HMGA2: variants seen among roughly 807,000 people sequenced by gnomAD.
HMGA2 encodes the protein high mobility group protein HMGI-C.
Under a neutral mutation model 19.1 loss-of-function variants are expected in HMGA2, and 8 were observed. The ratio of observed to expected loss-of-function variants is 0.42; its 90% CI spans 0.25 to 0.76. The LOEUF is 0.76. Ranked by LOEUF, HMGA2 falls within the 30% of genes least tolerant of loss-of-function variation. The pLI is 0.28. For missense variants in HMGA2, 109 were observed against 136.3 expected, an observed-to-expected ratio of 0.80 and a Z score of 1.00; for synonymous variants, 60 against 48.8, an observed-to-expected ratio of 1.23 and a Z score of -0.96.
intron 3 of HMGA2, among the ~76,000 whole-genome samples, chr12:65,940,656 C>G (rs1468326606): frequency 6.6e-6 from 1 of 152,008 alleles, no homozygotes; most frequent in East Asian, 1.9e-4. Flanking sequence ...GAATAATTGC[C>G]CAAAATACTT....
rs7296768 is a variant in HMGA2 at position 65,964,317 on chromosome 12, C to T, written c.*1025C>T. On this transcript the variant is annotated 3_prime_UTR_variant, in exon 5 of 5. Transcript: ENST00000403681. ...AAAAAAAAAGGGGGGGGCAATCTCT[C>T]TCTGTGTCTTTCTCTCTCTCTCTTC... is the stretch of plus-strand genomic sequence containing the variant. 204 of 211,120 alleles carry T rather than the reference C, an allele frequency of 9.7e-4. No homozygotes were observed. Among genetic ancestry groups the T allele is most frequent in the African/African-American group, 4.6e-3 (199 of 43,698 alleles). 13.1% of individuals were successfully genotyped at this position (211,120 alleles called of 1,614,324 possible). A position where few individuals can be genotyped will look rare whatever the true frequency, so the allele number is the denominator to read the frequency against.
Position 65,915,236 on chromosome 12 carries a change from C to A in HMGA2, c.250-36147C>A, listed in dbSNP as rs1313648602. 5.1e-6 allele frequency: 8 copies of A among 1,576,982 alleles called. No homozygotes were observed. In the South Asian group the frequency reaches 6.8e-5, roughly 13 times the overall value. On this transcript the variant is annotated intron_variant, in intron 3 of 4. Transcript: ENST00000403681. The stretch of plus-strand genomic sequence containing the variant: ...GTGTGGCTTTCTCCGATATAGAAAC[C>A]TATCAGGTGTCTTTTAGATCATTTC...
rs199650917 is a variant in HMGA2, at chr12:65,925,816, G to A, written c.250-25567G>A. 3.3e-5 allele frequency among the ~76,000 whole-genome samples: 5 copies of A among 152,288 alleles called. No homozygotes were observed. In the East Asian group the frequency reaches 9.7e-4, roughly 29 times the overall value. On this transcript the variant is annotated intron_variant, in intron 3 of 4. Coordinates refer to ENST00000403681, the MANE Select transcript of HMGA2 (RefSeq NM_003483.6). Reference sequence around the variant, plus strand: ...TGTGTGCACTGACACGTGAATGTGTGTGTGCCCTCACATAAGTTCTTACAT... The same window carrying A: ...TGTGTGCACTGACACGTGAATGTGTATGTGCCCTCACATAAGTTCTTACAT...
chr12:65,923,951 A>C (rs1875414439), intron 3 of HMGA2, among the ~76,000 whole-genome samples: 1 of 152,228 alleles, frequency 6.6e-6, no homozygotes, highest in South Asian at 2.1e-4. Context: ...CGGAGGTTGC[A>C]GTGAGCCAAG....
At chr12:65,938,950 T>C (rs926114707) in intron 3 of HMGA2, among the ~76,000 whole-genome samples, 10 of 152,106 alleles carry the variant, frequency 6.6e-5, no homozygotes, top group African/African-American at 2.4e-4. Flanking sequence ...CCCCCAAATC[T>C]AAGAGTCATG....
intron 3 of HMGA2, chr12:65,859,285 A>C (rs1209386076): frequency 1.3e-5 from 2 of 152,136 alleles, no homozygotes; most frequent in African/African-American, 2.4e-5. Flanking sequence ...AAGTTGTATG[A>C]TCACCCTACC....
rs949090757 is a variant in HMGA2 at position 65,952,642 on chromosome 12, T to G, written c.282+1227T>G. ...TAAGCAATATTTAAAAATATATACA[T>G]ATAAACAAAAACTTGACATTTTCAT... On this transcript the variant is annotated intron_variant, in intron 4 of 4. Coordinates refer to ENST00000403681, the MANE Select transcript of HMGA2 (RefSeq NM_003483.6). 3 of 542,540 alleles carry G rather than the reference T, an allele frequency of 5.5e-6. No individual in the cohort carries two copies. In the African/African-American group the frequency reaches 5.7e-5, roughly 10 times the overall value. 33.6% of individuals were successfully genotyped at this position (542,540 alleles called of 1,614,324 possible).
chr12:65,938,600 A>G (rs1355874175), intron 3 of HMGA2, among the ~76,000 whole-genome samples: 1 of 152,184 alleles, frequency 6.6e-6, no homozygotes, highest in Admixed American at 6.5e-5. Flanking sequence ...TATTAGAGAA[A>G]AGAATTGTAG....
chr12:65,887,569 A>C (rs1873711063), intron 3 of HMGA2, among the ~76,000 whole-genome samples: 1 of 152,110 alleles, frequency 6.6e-6, no homozygotes, highest in South Asian at 2.1e-4. Flanking sequence ...AAAAATATAC[A>C]AAAATTGGCT....
chr12:65,858,150 A>G (rs898493946), intron 3 of HMGA2: 2 of 152,646 alleles, frequency 1.3e-5, no homozygotes, highest in African/African-American at 4.8e-5. Context: ...TTATAAGCTT[A>G]AAATGGAAAA....
At position 65,965,938 on chromosome 12, in the gene HMGA2, T is replaced by C. The variant is rs1039005705; in HGVS notation, c.*2646T>C. ...TTATTTTTGTGGGAGATAAATTTTA[T>C]AGGACTGTTCTTTGCTGTTGTTGGT... On this transcript the variant is annotated 3_prime_UTR_variant, in exon 5 of 5. Coordinates refer to ENST00000403681, the MANE Select transcript of HMGA2 (RefSeq NM_003483.6). The C allele has an allele frequency of 2.3e-5, 5 of 218,172 alleles. No individual in the cohort carries two copies. Among genetic ancestry groups the C allele is most frequent in the East Asian group, 6.7e-5 (1 of 14,874 alleles). The allele number at this position is 218,172 out of a possible 1,614,324, so 13.5% of individuals were successfully genotyped here. A position where few individuals can be genotyped will look rare whatever the true frequency, so the allele number is the denominator to read the frequency against.
intron 3 of HMGA2, among the ~76,000 whole-genome samples, chr12:65,916,624 G>A (rs569776721): frequency 6.6e-6 from 1 of 152,338 alleles, no homozygotes; most frequent in South Asian, 2.1e-4. Flanking sequence ...GTCTTAGGAT[G>A]TGCAGGATGC....
intron 1 of HMGA2, chr12:65,826,714 GTC>G (rs1254917459): frequency 2.6e-5 from 4 of 150,980 alleles, no homozygotes; most frequent in Non-Finnish European, 5.9e-5. Context: ...CTCCCAGGAA[GTC>G]TCTGCCCTCC....
chr12:65,873,499 AAAAG>A (rs1872812251), intron 3 of HMGA2, among the ~76,000 whole-genome samples: 1 of 152,216 alleles, frequency 6.6e-6, no homozygotes, highest in East Asian at 1.9e-4. Context: ...ATTTTAGAAA[AAAAG>A]AAAGAAGGAA....
intron 3 of HMGA2, among the ~76,000 whole-genome samples, chr12:65,936,851 C>T (rs1007105537): frequency 6.6e-6 from 1 of 152,202 alleles, no homozygotes; most frequent in Non-Finnish European, 1.5e-5. Flanking sequence ...CATACCTGGT[C>T]TCATACTTGA....
At chr12:65,866,791 C>T (rs1246062338) in intron 3 of HMGA2, 2 of 456,296 alleles carry the variant, frequency 4.4e-6, no homozygotes. Context: ...AAAAAAAAAT[C>T]ACTAACACTT....
At chr12:65,859,529 A>T (rs552815411) in intron 3 of HMGA2, 2 of 152,334 alleles carry the variant, frequency 1.3e-5, no homozygotes, top group African/African-American at 4.8e-5. Flanking sequence ...TAAACATCCT[A>T]TTCCATGAAC....
At chr12:65,828,375 G>GT (rs1241617831) in intron 2 of HMGA2, 6 of 284,412 alleles carry the variant, frequency 2.1e-5, no homozygotes, top group South Asian at 1.9e-4. Flanking sequence ...GGGGTTGCGG[G>GT]GGGGGCGGGA....
At chr12:65,856,560 G>A (rs547610828) in intron 3 of HMGA2, 1 of 152,158 alleles carries the variant, frequency 6.6e-6, no homozygotes, top group African/African-American at 2.4e-5. Context: ...CTTCCTTCAG[G>A]TCCTGTGTTA....
Sources: gnomAD v4.1 joint callset for allele counts (sites outside exome capture counted in the v4.1 genomes callset) on GRCh38, gnomAD v4.1.1 for gene constraint, MANE v1.5 for transcripts, NCBI Gene and HGNC (gene_info 2026-07-23, HGNC 2026-07-21) for gene names.